Variants in ZNF251 observed in about 807,000 individuals in gnomAD.
The protein encoded by ZNF251 is zinc finger protein 251.
In ZNF251, 14 loss-of-function variants were observed where a neutral mutation model predicts 13.5. The observed-to-expected ratio is 1.04, with a 90% confidence interval of 0.69 to 1.63. ZNF251 has a LOEUF of 1.63. ZNF251 is among the 40% of genes most tolerant of loss of function. The pLI, the probability that ZNF251 is intolerant of heterozygous loss-of-function variation, is 0.00. For missense variants in ZNF251, 764 were observed against 834.9 expected, an observed-to-expected ratio of 0.92 and a Z score of 1.05; for synonymous variants, 287 against 295.2, an observed-to-expected ratio of 0.97 and a Z score of 0.28.
At chr8:144,743,222 C>G (rs1824251287) in intron 4 of ZNF251, among the ~76,000 whole-genome samples, 1 of 152,168 alleles carries the variant, frequency 6.6e-6, no homozygotes, top group Admixed American at 6.5e-5. Flanking sequence ...AACCACCATG[C>G]CTGGCTGATT....
chr8:144,754,572 C>T lies in ZNF251; in HGVS notation c.33+124G>A, dbSNP rs1199892803. ...AGTCTACCTCTCAGAACCCTTTCCT[C>T]ACGGTTGCTATGAGCCCCTGGCTGG... On this transcript the variant is annotated intron_variant, in intron 2 of 4. Coordinates refer to ENST00000292562, the MANE Select transcript of ZNF251 (RefSeq NM_138367.2). 8.2e-6 allele frequency: 12 copies of T among 1,462,936 alleles called. No homozygotes were observed. In the East Asian group the frequency reaches 1.7e-4, roughly 21 times the overall value. The allele number at this position is 1,462,936 out of a possible 1,614,324, so 90.6% of individuals were successfully genotyped here.
intron 4 of ZNF251, among the ~76,000 whole-genome samples, chr8:144,735,786 C>T (rs1347843682): frequency 6.6e-6 from 1 of 152,194 alleles, no homozygotes; most frequent in African/African-American, 2.4e-5. Flanking sequence ...GGTCTGTTGT[C>T]TCTTTGAATG....
intron 4 of ZNF251, among the ~76,000 whole-genome samples, chr8:144,750,149 C>T (rs1326537293): frequency 6.6e-6 from 1 of 152,184 alleles, no homozygotes; most frequent in Non-Finnish European, 1.5e-5. Context: ...ACTCCTGCCA[C>T]GACTGACTCT....
At chr8:144,739,427 G>C (rs1478407791) in intron 4 of ZNF251, among the ~76,000 whole-genome samples, 1 of 152,062 alleles carries the variant, frequency 6.6e-6, no homozygotes. Context: ...CCTAAACTAG[G>C]ATCAAAAGGG....
At chr8:144,736,781 C>T (rs971826349) in intron 4 of ZNF251, among the ~76,000 whole-genome samples, 1 of 148,342 alleles carries the variant, frequency 6.7e-6, no homozygotes, top group African/African-American at 2.5e-5. Flanking sequence ...CGTGAGCCAC[C>T]GTGCCCGGCC....
chr8:144,722,244 C>G lies in ZNF251; in HGVS notation c.1416G>C (p.Gln472His). Residue 472 changes from glutamine (Q) to histidine (H), a missense_variant, in exon 5 of 5, where the codon CAG becomes CAC. Transcript: ENST00000292562. The surrounding 1 kb of genome is among the most constrained non-coding windows in gnomAD (Gnocchi z 4.8). ...GCTGATGTAGGGTGAGCTGGGAGCT[C>G]TGGCTGAAAGCTTTCCCACATTCAA... ...QCVECGKAFS[Q>H]SSQLTLHQRV... is the part of the protein sequence containing the mutation. 1 of 1,613,106 alleles carries G rather than the reference C, an allele frequency of 6.2e-7. No homozygotes were observed. Among genetic ancestry groups the G allele is most frequent in the Non-Finnish European group, 8.5e-7 (1 of 1,179,766 alleles).
intron 4 of ZNF251, among the ~76,000 whole-genome samples, chr8:144,752,316 A>C (rs926530260): frequency 6.6e-6 from 1 of 152,126 alleles, no homozygotes; most frequent in Non-Finnish European, 1.5e-5. Context: ...AGAAGCAACA[A>C]ATATGAAAGG....
Position 144,755,466 on chromosome 8 carries a change from G to A in ZNF251, c.-137C>T. 1 of 1,287,646 alleles carries A rather than the reference G, an allele frequency of 7.8e-7. No individual in the cohort carries two copies. The allele number at this position is 1,287,646 out of a possible 1,614,324, so 79.8% of individuals were successfully genotyped here. On this transcript the variant is annotated 5_prime_UTR_variant, in exon 1 of 5. Coordinates refer to ENST00000292562, the MANE Select transcript of ZNF251 (RefSeq NM_138367.2). ...CCGAGGAGCTGCGCAGTCGCACCGA[G>A]CCCGGAACGGACCCTCCCACAGAAC...
intron 4 of ZNF251, among the ~76,000 whole-genome samples, chr8:144,738,978 C>T (rs1417568775): frequency 6.6e-6 from 1 of 152,078 alleles, no homozygotes; most frequent in African/African-American, 2.4e-5. Context: ...AGCAGCCCTC[C>T]CAGGGGACTA....
At position 144,721,633 on chromosome 8, in the gene ZNF251, C is replaced by T; in HGVS notation, c.*11G>A. 4.5e-6 allele frequency: 6 copies of T among 1,335,630 alleles called. No individual in the cohort carries two copies. The highest frequency in any genetic ancestry group is 5.8e-6 in the Non-Finnish European group (6 of 1,033,218). The allele number at this position is 1,335,630 out of a possible 1,614,324, so 82.7% of individuals were successfully genotyped here. ...TGAACAGTTGCTAAACTGTCTTCTG[C>T]ATTTATCACATTAAAAATGTCTTTC... On this transcript the variant is annotated 3_prime_UTR_variant, in exon 5 of 5. Coordinates refer to ENST00000292562, the MANE Select transcript of ZNF251 (RefSeq NM_138367.2).
chr8:144,752,937 A>C (rs145115298), intron 4 of ZNF251, among the ~76,000 whole-genome samples: 1 of 152,156 alleles, frequency 6.6e-6, no homozygotes, highest in African/African-American at 2.4e-5. Context: ...TACAGCTGAC[A>C]TATCAAGTAG....
chr8:144,750,069 A>C (rs540508267), intron 4 of ZNF251, among the ~76,000 whole-genome samples: 18 of 152,010 alleles, frequency 1.2e-4, no homozygotes, highest in African/African-American at 4.3e-4. Flanking sequence ...CATACTGTCT[A>C]CTTTTTCCCT....
chr8:144,753,694 C>T lies in ZNF251; in HGVS notation c.266G>A (p.Ser89Asn), dbSNP rs748204426. 1.3e-6 allele frequency: 2 copies of T among 1,579,970 alleles called. No individual in the cohort carries two copies. Among genetic ancestry groups the T allele is most frequent in the Non-Finnish European group, 1.7e-6 (2 of 1,162,058 alleles). Residue 89 changes from serine to asparagine, a missense_variant, in exon 4 of 5, where the codon AGC becomes AAC. Coordinates refer to ENST00000292562, the MANE Select transcript of ZNF251 (RefSeq NM_138367.2). ...CCATCCATTCTCACCTTTCTGGCAG[C>T]TTTTCAAGATATCTGGTTCCTCAGC... ...LGAEEPDILKSCQKDSEVGTK... is the reference protein window; with the variant it reads ...LGAEEPDILKNCQKDSEVGTK...
At chr8:144,735,080 TAAAAA>T (rs1314435525) in intron 4 of ZNF251, among the ~76,000 whole-genome samples, 2 of 112,986 alleles carry the variant, frequency 1.8e-5, no homozygotes, top group East Asian at 5.3e-4. Context: ...CTCAAAAAAA[TAAAAA>T]AAAAAGAGAT....
intron 4 of ZNF251, among the ~76,000 whole-genome samples, chr8:144,747,832 G>A (rs1824500002): frequency 6.6e-6 from 1 of 152,098 alleles, no homozygotes; most frequent in South Asian, 2.1e-4. Context: ...GGCTGGTCTC[G>A]AACTCCTGAC....
At chr8:144,726,890 AG>A (rs201405288) in intron 4 of ZNF251, among the ~76,000 whole-genome samples, 3 of 152,002 alleles carry the variant, frequency 2.0e-5, no homozygotes, top group Admixed American at 6.6e-5. Context: ...AAAAAAGAAA[AG>A]AAAAAAAGAA....
intron 4 of ZNF251, among the ~76,000 whole-genome samples, chr8:144,735,080 T>TA (rs1314435525): frequency 5.3e-4 from 60 of 113,068 alleles, no homozygotes; most frequent in South Asian, 4.2e-3. Flanking sequence ...CTCAAAAAAA[T>TA]AAAAAAAAAA....
rs1295232520 is a variant in ZNF251 at position 144,734,721 on chromosome 8, G to A, written c.278-11339C>T. 1.3e-5 allele frequency among the ~76,000 whole-genome samples: 2 copies of A among 152,178 alleles called. No individual in the cohort carries two copies. Among genetic ancestry groups the A allele is most frequent in the East Asian group, 1.9e-4 (1 of 5,198 alleles). ...CTCAAAGGTCAAAATCACAGGAGAC[G>A]GGCGAATTAGAACTGGAGACCAAAA... On this transcript the variant is annotated intron_variant, in intron 4 of 4. Transcript: ENST00000292562. This position sits in a 1 kb window ranked among gnomAD's most constrained non-coding sequence, Gnocchi z 4.4.
chr8:144,754,622 C>A (rs1036175548), intron 2 of ZNF251, 74 bp downstream of exon 2: 1 of 1,538,058 alleles, frequency 6.5e-7, no homozygotes, highest in South Asian at 1.3e-5. Context: ...GGGCTCACGG[C>A]TCCAGAGGAG....
Sources: gnomAD v4.1 joint callset for allele counts (sites outside exome capture counted in the v4.1 genomes callset) on GRCh38, gnomAD v4.1.1 for gene constraint, Gnocchi (gnomAD v3.1) non-coding constraint, MANE v1.5 for transcripts, NCBI Gene and HGNC (gene_info 2026-07-23, HGNC 2026-07-21) for gene names.